PCDHGA6: variants seen among roughly 807,000 people sequenced by gnomAD.
The protein encoded by PCDHGA6 is protocadherin gamma subfamily A, 6, also known as protocadherin gamma-A6.
A neutral mutation model predicts 60.6 loss-of-function variants in PCDHGA6; 41 were observed. The observed-to-expected ratio is 0.68, with a 90% CI of 0.53 to 0.88. The LOEUF is 0.88. Ranked by LOEUF, PCDHGA6 falls within the 40% of genes least tolerant of loss-of-function variation. The pLI is 0.00. For synonymous variants in PCDHGA6, 594 were observed against 524.4 expected (o/e 1.13, Z -1.81); for missense variants, 1,312 against 1,203.0 (o/e 1.09, Z -1.34).
Position 141,476,209 on chromosome 5 carries a change from G to T in PCDHGA6, c.2425-18598G>T, listed in dbSNP as rs749576231. On this transcript the variant is annotated intron_variant, in intron 1 of 3. Coordinates refer to ENST00000517434, the MANE Select transcript of PCDHGA6 (RefSeq NM_018919.3). The surrounding 1 kb of genome is among the most constrained non-coding windows in gnomAD (Gnocchi z 7.6). ...TTGGTGCCTTGAACAAGGCTTCCAC[G>T]GTCATTCACTATGAGATCCCGGAGG... The T allele has an allele frequency of 6.2e-6, 10 of 1,613,974 alleles. No individual in the cohort carries two copies. Among genetic ancestry groups the T allele is most frequent in the Non-Finnish European group, 8.5e-6 (10 of 1,180,026 alleles).
rs1226359801 is a variant in PCDHGA6, at chr5:141,388,320, G to A, written c.2424+11813G>A. On this transcript the variant is annotated intron_variant, in intron 1 of 3. Coordinates refer to ENST00000517434, the MANE Select transcript of PCDHGA6 (RefSeq NM_018919.3). ...CTTTGAGCTGCAAATAAGTGAGTCT[G>A]CACAGCCTGGCACACGATTTATATT... is the stretch of plus-strand genomic sequence containing the variant. 9.3e-6 allele frequency: 15 copies of A among 1,613,768 alleles called. 1 individual carries two copies. The Admixed American group carries it at 2.5e-4, about 27-fold the overall frequency.
intron 1 of PCDHGA6, chr5:141,393,180 A>G: frequency 6.2e-7 from 1 of 1,613,356 alleles, no homozygotes; most frequent in South Asian, 1.1e-5. Context: ...AGAAATAGAA[A>G]TAATTGATAT....
chr5:141,422,409 A>G, intron 1 of PCDHGA6: 1 of 1,601,728 alleles, frequency 6.2e-7, no homozygotes. Flanking sequence ...TGCCTTTTAA[A>G]TTAGAAAAGA....
At chr5:141,465,657 G>T (rs904553709) in intron 1 of PCDHGA6, among the ~76,000 whole-genome samples, 2 of 152,130 alleles carry the variant, frequency 1.3e-5, no homozygotes, top group Non-Finnish European at 2.9e-5. Context: ...CCAAAAAAGC[G>T]CTTGCCATGA....
Position 141,501,335 on chromosome 5 carries a change from C to A in PCDHGA6, c.2484-4058C>A, listed in dbSNP as rs977626682. 1.5e-4 allele frequency among the ~76,000 whole-genome samples: 20 copies of A among 135,718 alleles called. No individual in the cohort carries two copies. In the East Asian group the frequency reaches 2.2e-3, roughly 15 times the overall value. The allele number at this position is 135,718 out of a possible 152,430, so 89.0% of individuals were successfully genotyped here. The stretch of plus-strand genomic sequence containing the variant: ...CACACACACACACACACACACACAC[C>A]CCAAACTCAATAGGGCAAGAACCAT... On this transcript the variant is annotated intron_variant, in intron 2 of 3. Transcript: ENST00000517434.
At position 141,499,689 on chromosome 5, in the gene PCDHGA6, C is replaced by CTT. The variant is rs545067566; in HGVS notation, c.2483+4845_2483+4846dup. 4.8e-3 allele frequency among the ~76,000 whole-genome samples: 577 copies of CTT among 119,808 alleles called. 2 individuals carry two copies. Among genetic ancestry groups the CTT allele is most frequent in the Non-Finnish European group, 6.7e-3 (386 of 57,912 alleles). 78.6% of individuals were successfully genotyped at this position (119,808 alleles called of 152,430 possible). A position where few individuals can be genotyped will look rare whatever the true frequency, so the allele number is the denominator to read the frequency against. On this transcript the variant is annotated intron_variant, in intron 2 of 3. Coordinates refer to ENST00000517434, the MANE Select transcript of PCDHGA6 (RefSeq NM_018919.3). ...GGTCTCCACCATCTTTAACAGATGA[C>CTT]TTTTTTTTTTTTTTTTTTTTTTGGA...
At position 141,400,246 on chromosome 5, in the gene PCDHGA6, G is replaced by T. The variant is rs373890751; in HGVS notation, c.2424+23739G>T. 4 of 1,613,986 alleles carry T rather than the reference G, an allele frequency of 2.5e-6. No individual in the cohort carries two copies. In the East Asian group the frequency reaches 6.7e-5, roughly 27 times the overall value. Reference sequence around the variant, plus strand: ...CTTCCTCCTGGCCGTGATTCTGGCCGTTGCCTTGCGCCTGCGACGCTCCTC... The same window carrying T: ...CTTCCTCCTGGCCGTGATTCTGGCCTTTGCCTTGCGCCTGCGACGCTCCTC... On this transcript the variant is annotated intron_variant, in intron 1 of 3. Transcript: ENST00000517434.
At chr5:141,507,286 TC>T in intron 3 of PCDHGA6, 1 of 149,886 alleles carries the variant, frequency 6.7e-6, no homozygotes, top group East Asian at 1.9e-4. Context: ...TAAGTCAGTC[TC>T]AAATGTTGCA....
intron 1 of PCDHGA6, chr5:141,418,768 T>C (rs1216316680): frequency 6.2e-7 from 1 of 1,613,712 alleles, no homozygotes; most frequent in Non-Finnish European, 8.5e-7. Context: ...ACATTCTAAC[T>C]CAGCAGCCTT....
In PCDHGA6 at chr5:141,419,984, C is replaced by A. The variant is rs918632592; in HGVS notation, c.2424+43477C>A. ...TGTGCTCTTTCTCCTCGCGGTGATT[C>A]TAGCTATTGCTCTACGCCTGCGACA... On this transcript the variant is annotated intron_variant, in intron 1 of 3. Transcript: ENST00000517434. 27 of 1,613,962 alleles carry A rather than the reference C, an allele frequency of 1.7e-5. No individual in the cohort carries two copies. The highest frequency in any genetic ancestry group is 2.2e-5 in the Non-Finnish European group (26 of 1,179,912).
chr5:141,430,534 C>CT (rs962032641), intron 1 of PCDHGA6: 2 of 381,726 alleles, frequency 5.2e-6, no homozygotes, highest in Non-Finnish European at 9.2e-6. Context: ...GGTTAGGACT[C>CT]TGAGCGCCGC....
rs1247067983 is a variant in PCDHGA6, at chr5:141,511,327, C to T, written c.*154C>T. ...CCCTTGGGAAACAGAAACAAGTGCC[C>T]AGTCAGCACCTACCCCTTCCCCCCC... On this transcript the variant is annotated 3_prime_UTR_variant, in exon 4 of 4. Transcript: ENST00000517434. 28 of 1,455,454 alleles carry T rather than the reference C, an allele frequency of 1.9e-5. No individual in the cohort carries two copies. Among genetic ancestry groups the T allele is most frequent in the Admixed American group, 2.4e-5 (1 of 41,734 alleles). 90.2% of individuals were successfully genotyped at this position (1,455,454 alleles called of 1,614,324 possible). A position where few individuals can be genotyped will look rare whatever the true frequency, so the allele number is the denominator to read the frequency against.
chr5:141,404,917 G>T (rs750464541), intron 1 of PCDHGA6: 6 of 1,613,652 alleles, frequency 3.7e-6, no homozygotes, highest in East Asian at 2.2e-5. Flanking sequence ...CCCCTCTCTC[G>T]GCCACTGTCA....
rs772810239 is a variant in PCDHGA6 at position 141,376,110 on chromosome 5, G to A, written c.2027G>A (p.Gly676Asp). The part of the protein sequence containing the change: ...DRIPDILADL[G>D]SLEPSAKPND... ...ATCCCCGACATCCTGGCCGACCTGG[G>A]CAGCCTCGAGCCCTCCGCCAAACCC... The change falls in exon 1 of 4, where the codon GGC becomes GAC. Residue 676 changes from glycine to aspartate, a missense_variant. Gly to Asp is a moderately conservative substitution (Grantham distance 94). Coordinates refer to ENST00000517434, the MANE Select transcript of PCDHGA6 (RefSeq NM_018919.3). 6 of 1,613,762 alleles carry A rather than the reference G, an allele frequency of 3.7e-6. No individual in the cohort carries two copies. Among genetic ancestry groups the A allele is most frequent in the Non-Finnish European group, 4.2e-6 (5 of 1,179,936 alleles).
chr5:141,419,647 G>C (rs370948584), intron 1 of PCDHGA6: 6 of 1,612,592 alleles, frequency 3.7e-6, no homozygotes, highest in Non-Finnish European at 5.1e-6. Context: ...CCGTGGACGC[G>C]GACTCGGGGC....
intron 1 of PCDHGA6, chr5:141,394,481 T>G (rs766569646): frequency 6.2e-7 from 1 of 1,614,206 alleles, no homozygotes; most frequent in African/African-American, 1.3e-5. Flanking sequence ...TGGACCAGAA[T>G]GACAACGCGC....
chr5:141,499,268 G>C (rs564234341), intron 2 of PCDHGA6, among the ~76,000 whole-genome samples: 1 of 152,224 alleles, frequency 6.6e-6, no homozygotes, highest in South Asian at 2.1e-4. Flanking sequence ...TTGGTCCCTA[G>C]ACTGTTCTCT....
At chr5:141,425,069 A>G (rs771114613) in intron 1 of PCDHGA6, among the ~76,000 whole-genome samples, 1 of 152,170 alleles carries the variant, frequency 6.6e-6, no homozygotes. Context: ...GACAAAAATA[A>G]TTTCAACTGT....
At chr5:141,385,211 C>T (rs1781001155) in intron 1 of PCDHGA6, 1 of 1,614,082 alleles carries the variant, frequency 6.2e-7, no homozygotes, top group Admixed American at 1.7e-5. Flanking sequence ...CTGATCTTCC[C>T]CCAGCCCAAC....
Sources: allele counts gnomAD v4.1 joint callset (sites outside exome capture counted in the v4.1 genomes callset), GRCh38; gene constraint gnomAD v4.1.1; non-coding constraint Gnocchi (gnomAD v3.1); transcripts MANE v1.5; gene names NCBI Gene and HGNC (gene_info 2026-07-23, HGNC 2026-07-21).